GLYCTK: variants seen among roughly 807,000 people sequenced by gnomAD.
GLYCTK encodes the protein glycerate kinase.
Under a neutral mutation model 24.8 loss-of-function variants are expected in GLYCTK, and 22 were observed. The observed-to-expected ratio is 0.89, with a 90% CI of 0.63 to 1.27. The LOEUF is 1.27. GLYCTK is among the 50% of genes most tolerant of loss of function. The probability of loss-of-function intolerance (pLI) is 0.00; values close to 1 mark genes in which losing one functional copy is unlikely to be tolerated. For missense variants in GLYCTK, 684 were observed against 686.7 expected, an observed-to-expected ratio of 1.00 and a Z score of 0.04; for synonymous variants, 320 against 297.2, an observed-to-expected ratio of 1.08 and a Z score of -0.79.
rs1406743526 is a variant in GLYCTK, at chr3:52,294,171, C to CTGCCTCCT, written c.*1047_*1054dup. 1 of 533,624 alleles carries CTGCCTCCT rather than the reference C, an allele frequency of 1.9e-6. No homozygotes were observed. The highest frequency in any genetic ancestry group is 1.4e-5 in the South Asian group (1 of 71,542). 33.1% of individuals were successfully genotyped at this position (533,624 alleles called of 1,614,324 possible). A position where few individuals can be genotyped will look rare whatever the true frequency, so the allele number is the denominator to read the frequency against. On this transcript the variant is annotated 3_prime_UTR_variant, in exon 5 of 5. Coordinates refer to ENST00000436784, the MANE Select transcript of GLYCTK (RefSeq NM_145262.4). ...GTTGAGAGAGGGAGGTGCCACTGTC[C>CTGCCTCCT]TGCCTCCTTTTGAGCCCCCTTGCTC... is the stretch of plus-strand genomic sequence containing the variant.
In GLYCTK at chr3:52,290,690, C is replaced by G. The variant is rs1700436736; in HGVS notation, c.348C>G (p.Ile116Met). Residue 116 changes from isoleucine to methionine, a missense_variant, in exon 2 of 5, where the codon ATC (isoleucine) becomes ATG (methionine). Physicochemically the swap from Ile to Met is conservative, Grantham distance 10. Transcript: ENST00000436784. ...GCGTGATCAGCGTTCCCAAGGGGAT[C>G]CGTGCTGCCATGGAGCGTGCCGGCA... The part of the protein sequence containing the change: ...VQGVISVPKG[I>M]RAAMERAGKQ... The G allele has an allele frequency of 6.2e-7, 1 of 1,613,102 alleles. No homozygotes were observed. The highest frequency in any genetic ancestry group is 8.5e-7 in the Non-Finnish European group (1 of 1,179,686).
rs1448390384 is a variant in GLYCTK, at chr3:52,290,999, C to T, written c.417C>T (p.Phe139=). The T allele has an allele frequency of 5.0e-6, 8 of 1,613,916 alleles. No individual in the cohort carries two copies. Among genetic ancestry groups the T allele is most frequent in the African/African-American group, 2.7e-5 (2 of 74,908 alleles). ...AGCCACATAGCCGTGTCCAGGTATT[C>T]GAGGGTGCGGAGGACAACCTCCCGG... ...LLKPHSRVQV[F]EGAEDNLPDR... Residue 139 remains phenylalanine, a synonymous_variant, in exon 3 of 5, where the codon TTC becomes TTT. Transcript: ENST00000436784.
Position 52,294,699 on chromosome 3 carries a change from C to A in GLYCTK, c.*1573C>A. The A allele has an allele frequency of 2.3e-6, 1 of 439,650 alleles. No homozygotes were observed. Among genetic ancestry groups the A allele is most frequent in the South Asian group, 1.6e-5 (1 of 62,866 alleles). The allele number at this position is 439,650 out of a possible 1,614,324, so 27.2% of individuals were successfully genotyped here. The stretch of plus-strand genomic sequence containing the variant: ...CTGTGCCGTGGTGCTCCTCTGGCAG[C>A]GTCTACATGTAGCCTGTTCCTGCCT... On this transcript the variant is annotated 3_prime_UTR_variant, in exon 5 of 5. Coordinates refer to ENST00000436784, the MANE Select transcript of GLYCTK (RefSeq NM_145262.4).
intron 4 of GLYCTK, 58 bp downstream of exon 4, chr3:52,291,980 C>T: frequency 6.6e-7 from 1 of 1,522,230 alleles, no homozygotes; most frequent in African/African-American, 1.4e-5. Context: ...CCCACATGTG[C>T]CAGGGATGTG....
chr3:52,290,132 CGA>C, intron 1 of GLYCTK, 170 bp from the exon 2 acceptor site: 1 of 606,650 alleles, frequency 1.6e-6, no homozygotes, highest in Non-Finnish European at 2.9e-6. Context: ...TCTCCAAGGA[CGA>C]GTAAGATCCT....
rs751401439 is a variant in GLYCTK at position 52,294,373 on chromosome 3, G to A, written c.*1247G>A. ...CCCTCCTCCCTGAGGGTGTGGAGGGGCCCTGGGCCAGGGCTGGCAGGACTT... is the reference window on the plus strand; with the variant it reads ...CCCTCCTCCCTGAGGGTGTGGAGGGACCCTGGGCCAGGGCTGGCAGGACTT... On this transcript the variant is annotated 3_prime_UTR_variant, in exon 5 of 5. Coordinates refer to ENST00000436784, the MANE Select transcript of GLYCTK (RefSeq NM_145262.4). 355 of 532,234 alleles carry A rather than the reference G, an allele frequency of 6.7e-4. No individual in the cohort carries two copies. The highest frequency in any genetic ancestry group is 9.4e-4 in the Non-Finnish European group (245 of 259,334). The allele number at this position is 532,234 out of a possible 1,614,324, so 33.0% of individuals were successfully genotyped here. A position where few individuals can be genotyped will look rare whatever the true frequency, so the allele number is the denominator to read the frequency against.
chr3:52,292,947 G>A lies in GLYCTK; in HGVS notation c.1393G>A (p.Val465Ile). The A allele has an allele frequency of 6.2e-7, 1 of 1,614,058 alleles. No individual in the cohort carries two copies. Among genetic ancestry groups the A allele is most frequent in the East Asian group, 2.2e-5 (1 of 44,878 alleles). Residue 465 changes from valine (V) to isoleucine (I), a missense_variant, in exon 5 of 5, where the codon GTC (valine) becomes ATC (isoleucine). By Grantham distance (29) the Val-to-Ile change is conservative. Transcript: ENST00000436784. ...GCCCACAGAGGCTGCTGGGGCCTGGGTCACACCTGAGCTTGCCAGCCAGGC... is the reference window on the plus strand; with the variant it reads ...GCCCACAGAGGCTGCTGGGGCCTGGATCACACCTGAGCTTGCCAGCCAGGC... ...DGPTEAAGAW[V>I]TPELASQAAA...
At chr3:52,291,990 G>A in intron 4 of GLYCTK, 68 bp downstream of exon 4, 5 of 1,483,636 alleles carry the variant, frequency 3.4e-6, no homozygotes, top group Non-Finnish European at 4.6e-6. Flanking sequence ...CCAGGGATGT[G>A]AAAGCTAGAA....
chr3:52,292,411 CTG>C lies in GLYCTK; in HGVS notation c.860_861del (p.Val287AlafsTer7). On this transcript the variant is annotated frameshift_variant, in exon 5 of 5. Coordinates refer to ENST00000436784, the MANE Select transcript of GLYCTK (RefSeq NM_145262.4). LOFTEE classifies it low-confidence loss of function (END_TRUNC). ...GCAGCCCTGCCACGTTCTGTGAAGA[CTG>C]TGCTGTCTCGGGCCGACTCTGACCC... 6.2e-7 allele frequency: 1 copy of C among 1,613,792 alleles called. No individual in the cohort carries two copies. The highest frequency in any genetic ancestry group is 8.5e-7 in the Non-Finnish European group (1 of 1,179,990).
rs141774124 is a variant in GLYCTK at position 52,290,952 on chromosome 3, C to A, written c.378-8C>A. 5 of 1,613,912 alleles carry A rather than the reference C, an allele frequency of 3.1e-6. No individual in the cohort carries two copies. Among genetic ancestry groups the A allele is most frequent in the Non-Finnish European group, 4.2e-6 (5 of 1,180,032 alleles). On this transcript the variant is annotated splice_region_variant and splice_polypyrimidine_tract_variant and intron_variant, in intron 2 of 4. Transcript: ENST00000436784. ...CCATCTCTTGCGTGCTGACCTTTCC[C>A]TCCCCAGGGAGATGCTGCTGAAGCC...
In GLYCTK at chr3:52,291,850, G is replaced by C; in HGVS notation, c.633G>C (p.Glu211Asp). 1 of 1,613,956 alleles carries C rather than the reference G, an allele frequency of 6.2e-7. No homozygotes were observed. Among genetic ancestry groups the C allele is most frequent in the Non-Finnish European group, 8.5e-7 (1 of 1,180,008 alleles). The change falls in exon 4 of 5, where the codon GAG (glutamate) becomes GAC (aspartate). Residue 211 changes from glutamate to aspartate, a missense_variant. Physicochemically the swap from Glu to Asp is conservative, Grantham distance 45. Transcript: ENST00000436784. ...CAGCCCGTGGAGCCACCATCCAGGA[G>C]TTGAACACCATTCGGAAGGCCCTGT... ...LLAARGATIQ[E>D]LNTIRKALSQ...
intron 4 of GLYCTK, 104 bp from the exon 5 acceptor site, chr3:52,292,156 T>C: frequency 3.4e-6 from 5 of 1,469,800 alleles, no homozygotes; most frequent in African/African-American, 1.4e-5. Flanking sequence ...GGAAATGCAC[T>C]GAGTTGGGGG....
At chr3:52,291,199 G>A (rs1700458787) in intron 3 of GLYCTK, 88 bp downstream of exon 3, 1 of 1,511,068 alleles carries the variant, frequency 6.6e-7, no homozygotes, top group Admixed American at 1.8e-5. Context: ...TGAGCCCCCG[G>A]GGTCACAGGG....
rs1309977329 is a variant in GLYCTK, at chr3:52,288,959, T to G, written c.-40+1083T>G. ...AACTAGGCAAGCAAAATGGTCAAAG[T>G]CTAGAAGTAACCACCATATTTGGGT... On this transcript the variant is annotated intron_variant, in intron 1 of 4. Coordinates refer to ENST00000436784, the MANE Select transcript of GLYCTK (RefSeq NM_145262.4). The G allele has an allele frequency of 2.6e-5, 4 of 152,140 alleles. No individual in the cohort carries two copies. The East Asian group carries it at 5.8e-4, about 22-fold the overall frequency. 9.4% of individuals were successfully genotyped at this position (152,140 alleles called of 1,614,324 possible). A position where few individuals can be genotyped will look rare whatever the true frequency, so the allele number is the denominator to read the frequency against.
At position 52,293,026 on chromosome 3, in the gene GLYCTK, CCTT is replaced by C. The variant is rs749082610; in HGVS notation, c.1478_1480del (p.Phe493del). On this transcript the variant is annotated inframe_deletion, in exon 5 of 5. Coordinates refer to ENST00000436784, the MANE Select transcript of GLYCTK (RefSeq NM_145262.4). ...TTCCTAGCCCACAATGACTCACATA[CCTT>C]CTTCTGCTGCCTCCAGGGTGGGGCA... 3.7e-5 allele frequency: 59 copies of C among 1,614,180 alleles called. No homozygotes were observed. In the South Asian group the frequency reaches 4.6e-4, roughly 13 times the overall value.
At chr3:52,291,302 T>C (rs1376726658) in intron 3 of GLYCTK, 191 bp downstream of exon 3, 3 of 666,004 alleles carry the variant, frequency 4.5e-6, no homozygotes, top group Non-Finnish European at 7.9e-6. Flanking sequence ...AGCTGTGGAG[T>C]CCTCCCCCTG....
In GLYCTK at chr3:52,293,207, C is replaced by A. The variant is rs1700542634; in HGVS notation, c.*81C>A. The A allele has an allele frequency of 1.4e-6, 2 of 1,436,356 alleles. No individual in the cohort carries two copies. Among genetic ancestry groups the A allele is most frequent in the East Asian group, 2.3e-5 (1 of 43,736 alleles). 89.0% of individuals were successfully genotyped at this position (1,436,356 alleles called of 1,614,324 possible). ...GGCAGAGCAAGGTTGGTCCTCAGGGCCTCTCTAAGCCTTAGGGCCCCTCCT... is the reference window on the plus strand; with the variant it reads ...GGCAGAGCAAGGTTGGTCCTCAGGGACTCTCTAAGCCTTAGGGCCCCTCCT... On this transcript the variant is annotated 3_prime_UTR_variant, in exon 5 of 5. Coordinates refer to ENST00000436784, the MANE Select transcript of GLYCTK (RefSeq NM_145262.4).
chr3:52,291,172 C>T lies in GLYCTK; in HGVS notation c.529+61C>T, dbSNP rs536566686. 37 of 1,576,946 alleles carry T rather than the reference C, an allele frequency of 2.3e-5. No individual in the cohort carries two copies. The African/African-American group carries it at 4.7e-4, about 20-fold the overall frequency. On this transcript the variant is annotated intron_variant, in intron 3 of 4. Transcript: ENST00000436784. ...GGGTGCACCACCTGATCTCTCAGGT[C>T]TTCGAGAGATCAGGTCTGAGCCCCC...
chr3:52,294,213 G>A lies in GLYCTK; in HGVS notation c.*1087G>A, dbSNP rs891194198. 1.9e-6 allele frequency: 1 copy of A among 534,634 alleles called. No homozygotes were observed. The highest frequency in any genetic ancestry group is 3.8e-6 in the Non-Finnish European group (1 of 260,042). 33.1% of individuals were successfully genotyped at this position (534,634 alleles called of 1,614,324 possible). On this transcript the variant is annotated 3_prime_UTR_variant, in exon 5 of 5. Coordinates refer to ENST00000436784, the MANE Select transcript of GLYCTK (RefSeq NM_145262.4). ...CCCTTGCTCAGTGTCAGAACCCTCC[G>A]CTGGCTGTCCCCGCCGTGCGCCACG... is the stretch of plus-strand genomic sequence containing the variant.
Sources: allele counts gnomAD v4.1 joint callset, GRCh38; gene constraint gnomAD v4.1.1; transcripts MANE v1.5; gene names NCBI Gene and HGNC (gene_info 2026-07-23, HGNC 2026-07-21).